Variants in SEMA3B observed in about 807,000 individuals in gnomAD.
SEMA3B encodes semaphorin-3B.
A neutral mutation model predicts 77.8 loss-of-function variants in SEMA3B; 71 were observed. The observed-to-expected ratio is 0.91, with a 90% CI of 0.75 to 1.11. The LOEUF (loss-of-function observed/expected upper bound fraction) is 1.11, where lower values mean the gene tolerates loss of function less well. SEMA3B is among the 50% of genes most tolerant of loss of function. SEMA3B has a pLI of 0.00. For missense variants in SEMA3B, 968 were observed against 1,056.8 expected (o/e 0.92, Z 1.17); for synonymous variants, 470 against 452.9 (o/e 1.04, Z -0.48).
chr3:50,277,272 G>C lies in SEMA3B; in HGVS notation c.*566G>C, dbSNP rs1232042584. 1 of 152,462 alleles carries C rather than the reference G, an allele frequency of 6.6e-6. No homozygotes were observed. Among genetic ancestry groups the C allele is most frequent in the Non-Finnish European group, 1.5e-5 (1 of 68,246 alleles). The allele number at this position is 152,462 out of a possible 1,614,324, so 9.4% of individuals were successfully genotyped here. A position where few individuals can be genotyped will look rare whatever the true frequency, so the allele number is the denominator to read the frequency against. ...CTGGTGAGGATTAAAGGTGGTTCCG[G>C]CCAGGCGCGGTGGCTCACGCCTGTA... On this transcript the variant is annotated 3_prime_UTR_variant, in exon 17 of 17. Transcript: ENST00000616701.
In SEMA3B at chr3:50,270,598, G is replaced by T; in HGVS notation, c.330+103G>T. The T allele has an allele frequency of 6.6e-7, 1 of 1,526,606 alleles. No homozygotes were observed. The highest frequency in any genetic ancestry group is 9.0e-7 in the Non-Finnish European group (1 of 1,116,872). 94.6% of individuals were successfully genotyped at this position (1,526,606 alleles called of 1,614,324 possible). On this transcript the variant is annotated intron_variant, in intron 3 of 16. Transcript: ENST00000616701. This position sits in a 1 kb window ranked among gnomAD's most constrained non-coding sequence, Gnocchi z 4.7. ...GCCTGCCTGTTCTGGCTGGGATGAG[G>T]GCAGGGAGGTCGAGGTGGCTGAGGT...
chr3:50,272,135 G>T (rs1553705477), intron 6 of SEMA3B, among the ~76,000 whole-genome samples: 1 of 152,162 alleles, frequency 6.6e-6, no homozygotes, highest in Non-Finnish European at 1.5e-5. Flanking sequence ...GGGGGCAGTG[G>T]CATGCACACA....
At position 50,270,581 on chromosome 3, in the gene SEMA3B, G is replaced by C; in HGVS notation, c.330+86G>C. On this transcript the variant is annotated intron_variant, in intron 3 of 16. Transcript: ENST00000616701. This position sits in a 1 kb window ranked among gnomAD's most constrained non-coding sequence, Gnocchi z 4.7. ...GCAGGGCTAAAACAGAGGCCTGCCT[G>C]TTCTGGCTGGGATGAGGGCAGGGAG... is the stretch of plus-strand genomic sequence containing the variant. 6.4e-7 allele frequency: 1 copy of C among 1,573,626 alleles called. No individual in the cohort carries two copies. The highest frequency in any genetic ancestry group is 1.1e-5 in the South Asian group (1 of 89,892).
rs1553706308 is a variant in SEMA3B, at chr3:50,275,296, C to T, written c.1492-6C>T. On this transcript the variant is annotated splice_region_variant and splice_polypyrimidine_tract_variant and intron_variant, in intron 13 of 16. Transcript: ENST00000616701. The surrounding 1 kb of genome is among the most constrained non-coding windows in gnomAD (Gnocchi z 7.5). ...CGGTCAGCCCAGAGCCCCTCGTGCC[C>T]CCTAGCACCAGCTGTACGTAGCCTC... 6.4e-7 allele frequency: 1 copy of T among 1,555,344 alleles called. No homozygotes were observed.
In SEMA3B at chr3:50,276,478, C is replaced by T. The variant is rs1553706804; in HGVS notation, c.2022C>T (p.Ala674=). Residue 674 remains alanine (A), a synonymous_variant, in exon 17 of 17, where the codon GCC becomes GCT. Coordinates refer to ENST00000616701, the MANE Select transcript of SEMA3B (RefSeq NM_001290060.2). This position sits in a 1 kb window ranked among gnomAD's most constrained non-coding sequence, Gnocchi z 5.8. ...CGCAGGCCGAACGACTGGCGCGGGCCGAGGAGGCTGCGCCCGCCGCGCCGC... is the reference window on the plus strand; with the variant it reads ...CGCAGGCCGAACGACTGGCGCGGGCTGAGGAGGCTGCGCCCGCCGCGCCGC... The part of the protein sequence containing the change: ...SATQAERLAR[A]EEAAPAAPPG... The T allele has an allele frequency of 1.3e-6, 2 of 1,531,038 alleles. No homozygotes were observed. The highest frequency in any genetic ancestry group is 2.0e-5 in the Admixed American group (1 of 50,542). 94.8% of individuals were successfully genotyped at this position (1,531,038 alleles called of 1,614,324 possible).
Position 50,277,019 on chromosome 3 carries a change from A to T in SEMA3B, c.*313A>T. 5.3e-6 allele frequency: 2 copies of T among 377,164 alleles called. No homozygotes were observed. Among genetic ancestry groups the T allele is most frequent in the Non-Finnish European group, 9.5e-6 (2 of 210,896 alleles). The allele number at this position is 377,164 out of a possible 1,614,324, so 23.4% of individuals were successfully genotyped here. On this transcript the variant is annotated 3_prime_UTR_variant, in exon 17 of 17. Transcript: ENST00000616701. The stretch of plus-strand genomic sequence containing the variant: ...GTGCCTGGAGTGCCCACCCTGGGAG[A>T]CAGACCCCACCTCCTTGGGTAGTGA...
Position 50,271,081 on chromosome 3 carries a change from C to G in SEMA3B, c.451-7C>G. 6.3e-7 allele frequency: 1 copy of G among 1,577,206 alleles called. No homozygotes were observed. Among genetic ancestry groups the G allele is most frequent in the Non-Finnish European group, 8.6e-7 (1 of 1,161,334 alleles). On this transcript the variant is annotated splice_region_variant and splice_polypyrimidine_tract_variant and intron_variant, in intron 4 of 16. Coordinates refer to ENST00000616701, the MANE Select transcript of SEMA3B (RefSeq NM_001290060.2). ...GCCTGGTAGTCACAACTTGCCACACCTCCCAGGAGCCCGTCCTCCGGCTGG... is the reference window on the plus strand; with the variant it reads ...GCCTGGTAGTCACAACTTGCCACACGTCCCAGGAGCCCGTCCTCCGGCTGG...
chr3:50,267,581 T>TGCCCC (rs1559783652), upstream of SEMA3B: 1 of 152,058 alleles, frequency 6.6e-6, no homozygotes, highest in African/African-American at 2.4e-5. The surrounding 1 kb of genome is among the most constrained non-coding windows in gnomAD (Gnocchi z 5.7). Context: ...CGGCGGGCGG[T>TGCCCC]GCGTGGGGCG....
Position 50,277,392 on chromosome 3 carries a change from A to G in SEMA3B, c.*686A>G, listed in dbSNP as rs1408119787. The G allele has an allele frequency of 6.6e-6, 1 of 151,972 alleles. No homozygotes were observed. The highest frequency in any genetic ancestry group is 1.5e-5 in the Non-Finnish European group (1 of 68,032). The allele number at this position is 151,972 out of a possible 1,614,324, so 9.4% of individuals were successfully genotyped here. A position where few individuals can be genotyped will look rare whatever the true frequency, so the allele number is the denominator to read the frequency against. On this transcript the variant is annotated 3_prime_UTR_variant, in exon 17 of 17. Transcript: ENST00000616701. ...ACGGTGAAACCCCGTCTGTACTAAA[A>G]ATACAAAAAATTAGTCGGGCGTGGT...
chr3:50,274,872 G>A lies in SEMA3B; in HGVS notation c.1387G>A (p.Val463Ile). The A allele has an allele frequency of 1.2e-6, 2 of 1,611,198 alleles. No homozygotes were observed. Among genetic ancestry groups the A allele is most frequent in the African/African-American group, 1.3e-5 (1 of 74,980 alleles). The part of the protein sequence containing the change: ...DVGTVLKVIS[V>I]PKGSRPSAEG... The stretch of plus-strand genomic sequence containing the variant: ...TGGCACGGTGCTGAAGGTGATCTCG[G>A]TCCCCAAGGGCAGTAGGCCCAGCGC... The change falls in exon 12 of 17, where the codon GTC (valine) becomes ATC (isoleucine). Residue 463 changes from valine (V) to isoleucine (I), a missense_variant. By Grantham distance (29) the Val-to-Ile change is conservative. Coordinates refer to ENST00000616701, the MANE Select transcript of SEMA3B (RefSeq NM_001290060.2). The surrounding 1 kb of genome is among the most constrained non-coding windows in gnomAD (Gnocchi z 4.7).
chr3:50,269,197 C>CCA lies in SEMA3B; in HGVS notation c.-34_-33dup. 2.0e-5 allele frequency: 28 copies of CCA among 1,405,472 alleles called. No homozygotes were observed. The highest frequency in any genetic ancestry group is 2.5e-5 in the Non-Finnish European group (26 of 1,028,054). 87.1% of individuals were successfully genotyped at this position (1,405,472 alleles called of 1,614,324 possible). A position where few individuals can be genotyped will look rare whatever the true frequency, so the allele number is the denominator to read the frequency against. ...GAGTCCAGGGCAGCTCAAGGCTCCT[C>CCA]CACACACACACCCGCTGAACCCTGA... is the stretch of plus-strand genomic sequence containing the variant. On this transcript the variant is annotated 5_prime_UTR_variant, in exon 1 of 17. Coordinates refer to ENST00000616701, the MANE Select transcript of SEMA3B (RefSeq NM_001290060.2). This position sits in a 1 kb window ranked among gnomAD's most constrained non-coding sequence, Gnocchi z 4.0.
At position 50,275,568 on chromosome 3, in the gene SEMA3B, G is replaced by A; in HGVS notation, c.1658G>A (p.Arg553Gln). 2 of 1,613,666 alleles carry A rather than the reference G, an allele frequency of 1.2e-6. No individual in the cohort carries two copies. Among genetic ancestry groups the A allele is most frequent in the Non-Finnish European group, 1.7e-6 (2 of 1,179,878 alleles). ...RFQPSAKRRFRRQDVRNGDPS... is the reference protein window; with the variant it reads ...RFQPSAKRRFQRQDVRNGDPS... The stretch of plus-strand genomic sequence containing the variant: ...TCGGATGTTCCCCACAGGCGGTTCC[G>A]GCGGCAAGACGTAAGGAATGGCGAC... The change falls in exon 15 of 17, where the codon CGG becomes CAG. Residue 553 changes from arginine (R) to glutamine (Q), a missense_variant. Arg to Gln is a conservative substitution (Grantham distance 43). Coordinates refer to ENST00000616701, the MANE Select transcript of SEMA3B (RefSeq NM_001290060.2). The surrounding 1 kb of genome is among the most constrained non-coding windows in gnomAD (Gnocchi z 7.5).
upstream of SEMA3B, chr3:50,269,055 T>C: frequency 1.7e-6 from 1 of 592,380 alleles, no homozygotes; most frequent in South Asian, 2.0e-5. This position sits in a 1 kb window ranked among gnomAD's most constrained non-coding sequence, Gnocchi z 4.0. Context: ...GGTTCGGAAG[T>C]GGAATGCGAC....
Position 50,273,407 on chromosome 3 carries a change from A to T in SEMA3B, c.774A>T (p.Gly258=). ...ETAVEAAPAL[G]RLSVSRVGQI... ...CGGTAGAGGCGGCGCCGGCACTGGGACGCCTGTCCGTGTCCCGCGTTGGCC... is the reference window on the plus strand; with the variant it reads ...CGGTAGAGGCGGCGCCGGCACTGGGTCGCCTGTCCGTGTCCCGCGTTGGCC... The change falls in exon 7 of 17, where the codon GGA becomes GGT. Residue 258 remains glycine (G), a synonymous_variant. Coordinates refer to ENST00000616701, the MANE Select transcript of SEMA3B (RefSeq NM_001290060.2). The surrounding 1 kb of genome is among the most constrained non-coding windows in gnomAD (Gnocchi z 6.5). 1 of 1,613,662 alleles carries T rather than the reference A, an allele frequency of 6.2e-7. No homozygotes were observed.
upstream of SEMA3B, among the ~76,000 whole-genome samples, chr3:50,264,860 G>A (rs1700872985): frequency 2.0e-5 from 3 of 152,200 alleles, no homozygotes; most frequent in African/African-American, 7.2e-5. Flanking sequence ...GTGGCTGGTT[G>A]GGGGGGCTCC....
rs1701224057 is a variant in SEMA3B at position 50,275,945 on chromosome 3, TC to T, written c.1845+105del. 2.9e-6 allele frequency: 4 copies of T among 1,362,318 alleles called. No homozygotes were observed. In the South Asian group the frequency reaches 5.9e-5, roughly 20 times the overall value. The allele number at this position is 1,362,318 out of a possible 1,614,324, so 84.4% of individuals were successfully genotyped here. A position where few individuals can be genotyped will look rare whatever the true frequency, so the allele number is the denominator to read the frequency against. ...CGAAGCCCCGTCCAACCAGACCCAC[TC>T]CCCGCCCTGTCCAGTTTGGTCCCTC... is the stretch of plus-strand genomic sequence containing the variant. On this transcript the variant is annotated intron_variant, in intron 16 of 16. Coordinates refer to ENST00000616701, the MANE Select transcript of SEMA3B (RefSeq NM_001290060.2). The surrounding 1 kb of genome is among the most constrained non-coding windows in gnomAD (Gnocchi z 7.5).
chr3:50,264,414 T>C (rs1464700003), upstream of SEMA3B, among the ~76,000 whole-genome samples: 5 of 152,158 alleles, frequency 3.3e-5, no homozygotes, highest in African/African-American at 9.7e-5. Flanking sequence ...GTACCCCCAC[T>C]GTGTGCCAGA....
chr3:50,269,627 C>T lies in SEMA3B; in HGVS notation c.109+278C>T, dbSNP rs1469747824. Reference sequence around the variant, plus strand: ...GTTCCGTTCAGTACCCCCAACAAGGCGATACTCCTTCAGCAGAGCAACAGG... The same window carrying T: ...GTTCCGTTCAGTACCCCCAACAAGGTGATACTCCTTCAGCAGAGCAACAGG... On this transcript the variant is annotated intron_variant, in intron 1 of 16. Coordinates refer to ENST00000616701, the MANE Select transcript of SEMA3B (RefSeq NM_001290060.2). The surrounding 1 kb of genome is among the most constrained non-coding windows in gnomAD (Gnocchi z 4.0). 2.6e-5 allele frequency among the ~76,000 whole-genome samples: 4 copies of T among 152,182 alleles called. No homozygotes were observed. Among genetic ancestry groups the T allele is most frequent in the African/African-American group, 4.8e-5 (2 of 41,434 alleles).
rs933843047 is a variant in SEMA3B at position 50,276,616 on chromosome 3, C to T, written c.2160C>T (p.Pro720=). 2.5e-6 allele frequency: 4 copies of T among 1,590,364 alleles called. No individual in the cohort carries two copies. The highest frequency in any genetic ancestry group is 2.3e-5 in the South Asian group (2 of 88,404). ...CGCAGCCTGCGCTGCAGTCACTGCC[C>T]CTGGAGTCGCGGAGAAAGGGCCGTA... ...CRPQPALQSL[P]LESRRKGRNR... The change falls in exon 17 of 17, where the codon CCC becomes CCT. Residue 720 remains proline, a synonymous_variant. Transcript: ENST00000616701. This position sits in a 1 kb window ranked among gnomAD's most constrained non-coding sequence, Gnocchi z 5.8.
Sources: allele counts gnomAD v4.1 joint callset (sites outside exome capture counted in the v4.1 genomes callset), GRCh38; gene constraint gnomAD v4.1.1; non-coding constraint Gnocchi (gnomAD v3.1); transcripts MANE v1.5; gene names NCBI Gene and HGNC (gene_info 2026-07-23, HGNC 2026-07-21).